Variants in NR6A1 observed in about 807,000 individuals in gnomAD.
NR6A1 encodes the protein nuclear receptor subfamily 6 group A member 1, also known as retinoic acid receptor-related testis-associated receptor.
NR6A1 carries 7 observed loss-of-function variants against 59.1 expected under a neutral mutation model. That is an observed-to-expected ratio of 0.12 (90% CI 0.07 to 0.22). The LOEUF is 0.22. NR6A1 is among the 10% of genes least tolerant of loss of function. The pLI is 1.00. For synonymous variants in NR6A1, 243 were observed against 236.1 expected, an observed-to-expected ratio of 1.03 and a Z score of -0.27; for missense variants, 468 against 611.6, an observed-to-expected ratio of 0.77 and a Z score of 2.48.
intron 2 of NR6A1, among the ~76,000 whole-genome samples, chr9:124,682,251 C>G (rs927705437): frequency 6.6e-6 from 1 of 152,184 alleles, no homozygotes; most frequent in Non-Finnish European, 1.5e-5. Context: ...ATCCACCCAC[C>G]TCGGCCTCCC....
intron 9 of NR6A1, among the ~76,000 whole-genome samples, 180 bp from the exon 10 acceptor site, chr9:124,522,973 T>C (rs900051005): frequency 2.0e-5 from 3 of 152,148 alleles, no homozygotes; most frequent in African/African-American, 7.2e-5. Flanking sequence ...CAGACCCCTT[T>C]GGGTGCCCAG....
intron 2 of NR6A1, among the ~76,000 whole-genome samples, chr9:124,627,453 C>T (rs1836278542): frequency 6.6e-6 from 1 of 152,150 alleles, no homozygotes; most frequent in Admixed American, 6.5e-5. Flanking sequence ...AGCACTGGAC[C>T]ACAGGAGATT....
intron 7 of NR6A1, among the ~76,000 whole-genome samples, chr9:124,533,086 C>T (rs1833146407): frequency 6.6e-6 from 1 of 152,208 alleles, no homozygotes; most frequent in Non-Finnish European, 1.5e-5. Flanking sequence ...CCCCTGCCTG[C>T]CTGCAGAGGG....
intron 2 of NR6A1, among the ~76,000 whole-genome samples, chr9:124,699,537 GCCCCATCTGAT>G (rs1386748878): frequency 6.6e-6 from 1 of 152,128 alleles, no homozygotes; most frequent in Non-Finnish European, 1.5e-5. Context: ...AATCAGTGGG[GCCCCATCTGAT>G]CAATGAACTT....
chr9:124,748,378 T>G (rs1042509529), intron 1 of NR6A1, among the ~76,000 whole-genome samples: 2 of 152,210 alleles, frequency 1.3e-5, no homozygotes, highest in Non-Finnish European at 2.9e-5. Flanking sequence ...TTATCAAGAT[T>G]CTTAGATTTT....
Position 124,522,469 on chromosome 9 carries a change from C to T in NR6A1, c.*236G>A, listed in dbSNP as rs41274378. On this transcript the variant is annotated 3_prime_UTR_variant, in exon 10 of 10. Coordinates refer to ENST00000487099, the MANE Select transcript of NR6A1 (RefSeq NM_033334.4). ...TGTAAGAAAATGCATTGGCTGCATTCACACAAAAGCATGTGCATCATGTTG... is the reference window on the plus strand; with the variant it reads ...TGTAAGAAAATGCATTGGCTGCATTTACACAAAAGCATGTGCATCATGTTG... 8.1e-3 allele frequency: 2,782 copies of T among 343,244 alleles called. 21 individuals are homozygous for T. Among genetic ancestry groups the T allele is most frequent in the Non-Finnish European group, 0.012 (2,230 of 180,450 alleles). 21.3% of individuals were successfully genotyped at this position (343,244 alleles called of 1,614,324 possible).
intron 2 of NR6A1, among the ~76,000 whole-genome samples, chr9:124,634,776 C>T (rs1365433347): frequency 3.9e-5 from 6 of 152,098 alleles, no homozygotes; most frequent in South Asian, 2.1e-4. Flanking sequence ...GAGCCGAGAT[C>T]GCGCCACTGC....
At chr9:124,729,573 G>C (rs1839824845) in intron 2 of NR6A1, among the ~76,000 whole-genome samples, 1 of 151,992 alleles carries the variant, frequency 6.6e-6, no homozygotes, top group Non-Finnish European at 1.5e-5. Context: ...AAAAGAGTAA[G>C]ACCCTGTCTC....
At chr9:124,725,060 G>A (rs938495365) in intron 2 of NR6A1, among the ~76,000 whole-genome samples, 3 of 152,182 alleles carry the variant, frequency 2.0e-5, no homozygotes, top group Non-Finnish European at 2.9e-5. Context: ...TATCAAGTCG[G>A]TCCTTGTTCT....
At position 124,518,664 on chromosome 9, in the gene NR6A1, G is replaced by C. The variant is rs1832736983; in HGVS notation, c.*4041C>G. ...GAGGATGATCAGTTGCAAAGGCAGA[G>C]GGGAGTGCAAGGGAACTCTCATGGG... is the stretch of plus-strand genomic sequence containing the variant. On this transcript the variant is annotated 3_prime_UTR_variant, in exon 10 of 10. Coordinates refer to ENST00000487099, the MANE Select transcript of NR6A1 (RefSeq NM_033334.4). 1 of 152,108 alleles carries C rather than the reference G, an allele frequency of 6.6e-6. No homozygotes were observed. Among genetic ancestry groups the C allele is most frequent in the South Asian group, 2.1e-4 (1 of 4,826 alleles). The allele number at this position is 152,108 out of a possible 1,614,324, so 9.4% of individuals were successfully genotyped here.
At chr9:124,611,162 A>T (rs1588708142) in intron 2 of NR6A1, among the ~76,000 whole-genome samples, 1 of 149,934 alleles carries the variant, frequency 6.7e-6, no homozygotes, top group African/African-American at 2.5e-5. Context: ...GTGAGCCTTC[A>T]CTTCCCTTAC....
rs143969885 is a variant in NR6A1 at position 124,544,355 on chromosome 9, T to G, written c.386-498A>C. On this transcript the variant is annotated intron_variant, in intron 3 of 9. Coordinates refer to ENST00000487099, the MANE Select transcript of NR6A1 (RefSeq NM_033334.4). ...GCAAAGGCAGTCAGTAGAGCACCTG[T>G]GTAGTCGAAGGAACTTACCTAGCAT... 1.1e-4 allele frequency among the ~76,000 whole-genome samples: 17 copies of G among 152,366 alleles called. No individual in the cohort carries two copies. In the East Asian group the frequency reaches 3.3e-3, roughly 29 times the overall value.
In NR6A1 at chr9:124,543,782, G is replaced by C. The variant is rs746343622; in HGVS notation, c.441+20C>G. 1 of 1,604,238 alleles carries C rather than the reference G, an allele frequency of 6.2e-7. No individual in the cohort carries two copies. Among genetic ancestry groups the C allele is most frequent in the South Asian group, 1.1e-5 (1 of 89,848 alleles). Reference sequence around the variant, plus strand: ...CTGGGCTTCCAGGACGGACCACAGAGACTGAGGTCTAGAACTCACCTGGAC... The same window carrying C: ...CTGGGCTTCCAGGACGGACCACAGACACTGAGGTCTAGAACTCACCTGGAC... On this transcript the variant is annotated intron_variant, in intron 4 of 9. Transcript: ENST00000487099.
intron 2 of NR6A1, among the ~76,000 whole-genome samples, chr9:124,588,989 A>G (rs937442345): frequency 2.0e-5 from 3 of 151,776 alleles, no homozygotes; most frequent in Admixed American, 6.6e-5. Flanking sequence ...TAACTGGTTC[A>G]TGGTTCAAAC....
chr9:124,569,883 AATTGAC>A (rs1170979964), intron 2 of NR6A1, among the ~76,000 whole-genome samples: 3 of 152,236 alleles, frequency 2.0e-5, no homozygotes, highest in African/African-American at 7.2e-5. Context: ...CATTTCTAAA[AATTGAC>A]ATCAGCTGAA....
In NR6A1 at chr9:124,644,049, C is replaced by T. The variant is rs547983831; in HGVS notation, c.142+89259G>A. On this transcript the variant is annotated intron_variant, in intron 2 of 9. Transcript: ENST00000487099. ...CCAAGTAGCTGGGATTACAGGCACG[C>T]GCCACCATGCCCTGCTAATTTTTGT... Among the ~76,000 whole-genome samples the T allele has an allele frequency of 1.1e-4, 17 of 151,952 alleles. No individual in the cohort carries two copies. In the East Asian group the frequency reaches 2.5e-3, roughly 23 times the overall value.
At chr9:124,628,141 C>T (rs1836305336) in intron 2 of NR6A1, among the ~76,000 whole-genome samples, 1 of 152,096 alleles carries the variant, frequency 6.6e-6, no homozygotes, top group Non-Finnish European at 1.5e-5. Context: ...GATTCTCCTG[C>T]CTCAGCCTCC....
At chr9:124,718,657 G>C (rs998557419) in intron 2 of NR6A1, among the ~76,000 whole-genome samples, 11 of 152,048 alleles carry the variant, frequency 7.2e-5, no homozygotes, top group Non-Finnish European at 1.5e-4. Context: ...AAGATACCCT[G>C]TAATCTCATT....
intron 2 of NR6A1, among the ~76,000 whole-genome samples, chr9:124,642,330 G>T (rs186148436): frequency 6.6e-6 from 1 of 152,194 alleles, no homozygotes; most frequent in South Asian, 2.1e-4. Flanking sequence ...GATTACAGGC[G>T]TGAGGCACTG....
Sources: gnomAD v4.1 joint callset for allele counts (sites outside exome capture counted in the v4.1 genomes callset) on GRCh38, gnomAD v4.1.1 for gene constraint, MANE v1.5 for transcripts, NCBI Gene and HGNC (gene_info 2026-07-23, HGNC 2026-07-21) for gene names.